UNC5C: variants seen among roughly 807,000 people sequenced by gnomAD.
UNC5C encodes unc-5 netrin receptor C, also known as netrin receptor UNC5C.
UNC5C carries 47 observed loss-of-function variants against 99.8 expected under a neutral mutation model. That is an observed-to-expected ratio of 0.47 (90% confidence interval 0.37 to 0.60). The LOEUF (loss-of-function observed/expected upper bound fraction) is 0.60, where lower values mean the gene tolerates loss of function less well. Ranked by LOEUF, UNC5C falls within the 20% of genes least tolerant of loss-of-function variation. The probability of loss-of-function intolerance (pLI) is 0.00; values close to 1 mark genes in which losing one functional copy is unlikely to be tolerated. For synonymous variants in UNC5C, 487 were observed against 452.2 expected (o/e 1.08, Z -0.98); for missense variants, 1,062 against 1,165.9 (o/e 0.91, Z 1.30).
intron 2 of UNC5C, among the ~76,000 whole-genome samples, chr4:95,322,427 T>A (rs1248255958): frequency 6.6e-6 from 1 of 152,200 alleles, no homozygotes; most frequent in East Asian, 1.9e-4. Context: ...AAACTGTCAT[T>A]GATCATTGCC....
intron 1 of UNC5C, among the ~76,000 whole-genome samples, chr4:95,449,357 C>A (rs1481313646): frequency 1.3e-5 from 2 of 152,116 alleles, no homozygotes; most frequent in Non-Finnish European, 2.9e-5. Flanking sequence ...TAAAAATAAT[C>A]ACGGACACTT....
At chr4:95,462,472 C>A (rs1342947155) in intron 1 of UNC5C, among the ~76,000 whole-genome samples, 2 of 152,110 alleles carry the variant, frequency 1.3e-5, no homozygotes, top group Non-Finnish European at 2.9e-5. Context: ...CACTCTAGTG[C>A]AGAATATAGT....
At chr4:95,421,879 C>T (rs1165864237) in intron 1 of UNC5C, among the ~76,000 whole-genome samples, 4 of 152,056 alleles carry the variant, frequency 2.6e-5, no homozygotes, top group African/African-American at 9.7e-5. Context: ...TCTTTATTAT[C>T]GAAGACTTAG....
intron 3 of UNC5C, among the ~76,000 whole-genome samples, chr4:95,294,098 T>C (rs533349630): frequency 1.7e-4 from 26 of 152,322 alleles, no homozygotes; most frequent in African/African-American, 6.3e-4. Context: ...TTGGTAATAC[T>C]GTTGAAATGA....
At chr4:95,300,499 AAAAT>A (rs1479077068) in intron 3 of UNC5C, among the ~76,000 whole-genome samples, 1 of 152,232 alleles carries the variant, frequency 6.6e-6, no homozygotes, top group Non-Finnish European at 1.5e-5. Context: ...GAATGGTTCC[AAAAT>A]AAATAGAGAA....
intron 14 of UNC5C, among the ~76,000 whole-genome samples, chr4:95,177,895 A>C (rs1473064419): frequency 6.7e-6 from 1 of 148,162 alleles, no homozygotes; most frequent in South Asian, 2.1e-4. Context: ...TTAAGAGATG[A>C]TGGGGTCTCA....
Position 95,525,596 on chromosome 4 carries a change from T to TAAAAAAAAAAAAAAAAA in UNC5C, c.124+23121_124+23137dup, listed in dbSNP as rs574532435. ...ATAGCAGTGTGCAAAGCCTATTTCT[T>TAAAAAAAAAAAAAAAAA]AAAAAAAAAAAAAAAAAAAAAAGAC... On this transcript the variant is annotated intron_variant, in intron 1 of 15. Transcript: ENST00000453304. Among the ~76,000 whole-genome samples the TAAAAAAAAAAAAAAAAA allele has an allele frequency of 8.9e-4, 91 of 102,116 alleles. 2 individuals carry two copies. The highest frequency in any genetic ancestry group is 2.3e-3 in the African/African-American group (57 of 25,270). The allele number at this position is 102,116 out of a possible 152,430, so 67.0% of individuals were successfully genotyped here.
intron 1 of UNC5C, among the ~76,000 whole-genome samples, chr4:95,476,360 T>C (rs1748146553): frequency 6.6e-6 from 1 of 152,084 alleles, no homozygotes; most frequent in Non-Finnish European, 1.5e-5. Context: ...ATCTACCATC[T>C]CCACAGGGTA....
intron 4 of UNC5C, among the ~76,000 whole-genome samples, chr4:95,253,986 G>A (rs1317981546): frequency 6.6e-6 from 1 of 152,112 alleles, no homozygotes; most frequent in African/African-American, 2.4e-5. Context: ...AGGTCTTTCT[G>A]ATGCCATTGT....
intron 12 of UNC5C, among the ~76,000 whole-genome samples, chr4:95,194,496 G>A (rs1579219115): frequency 1.3e-5 from 2 of 152,248 alleles, no homozygotes; most frequent in African/African-American, 4.8e-5. Context: ...CCTCTCCAGA[G>A]CCCCGAGAGG....
chr4:95,387,832 C>T (rs556030961), intron 1 of UNC5C, among the ~76,000 whole-genome samples: 15 of 152,212 alleles, frequency 9.9e-5, no homozygotes, highest in African/African-American at 3.1e-4. Context: ...TTAAGCTGTT[C>T]AGTGGAAACT....
intron 1 of UNC5C, among the ~76,000 whole-genome samples, chr4:95,433,776 T>A (rs1217077757): frequency 6.6e-6 from 1 of 152,074 alleles, no homozygotes; most frequent in East Asian, 1.9e-4. Flanking sequence ...TCAGTTAAAA[T>A]CCAAACCTTC....
chr4:95,421,753 A>G (rs1410555187), intron 1 of UNC5C, among the ~76,000 whole-genome samples: 1 of 151,598 alleles, frequency 6.6e-6, no homozygotes, highest in Non-Finnish European at 1.5e-5. Context: ...TCAAAGTAAC[A>G]CTCTTCTTAC....
chr4:95,398,044 C>CTTTTTTTT lies in UNC5C; in HGVS notation c.125-62421_125-62414dup, dbSNP rs34609153. ...CCCAATGAGAAGTAGCCAAATGTAG[C>CTTTTTTTT]TTTTTTTTTTTTTTTTTTTGCTTAT... On this transcript the variant is annotated intron_variant, in intron 1 of 15. Coordinates refer to ENST00000453304, the MANE Select transcript of UNC5C (RefSeq NM_003728.4). Among the ~76,000 whole-genome samples the CTTTTTTTT allele has an allele frequency of 7.5e-3, 720 of 95,836 alleles. 63 individuals are homozygous for CTTTTTTTT. Among genetic ancestry groups the CTTTTTTTT allele is most frequent in the African/African-American group, 0.031 (626 of 20,398 alleles). 62.9% of individuals were successfully genotyped at this position (95,836 alleles called of 152,430 possible). A position where few individuals can be genotyped will look rare whatever the true frequency, so the allele number is the denominator to read the frequency against.
chr4:95,232,527 C>CA (rs1291265233), intron 7 of UNC5C, among the ~76,000 whole-genome samples: 1 of 152,106 alleles, frequency 6.6e-6, no homozygotes, highest in African/African-American at 2.4e-5. Context: ...CCTGGACCTG[C>CA]ACCCCCGTGA....
At chr4:95,305,057 G>A (rs1169479494) in intron 2 of UNC5C, among the ~76,000 whole-genome samples, 1 of 152,134 alleles carries the variant, frequency 6.6e-6, no homozygotes, top group Non-Finnish European at 1.5e-5. Context: ...TTTGGCTCAG[G>A]CTCCCTGTGG....
At chr4:95,288,275 G>A (rs939587165) in intron 3 of UNC5C, among the ~76,000 whole-genome samples, 1 of 151,888 alleles carries the variant, frequency 6.6e-6, no homozygotes, top group African/African-American at 2.4e-5. Flanking sequence ...AGTAGAGACG[G>A]GGTTTCACCG....
chr4:95,545,401 TAA>T (rs1295419096), intron 1 of UNC5C, among the ~76,000 whole-genome samples: 3 of 152,236 alleles, frequency 2.0e-5, no homozygotes, highest in Non-Finnish European at 4.4e-5. Context: ...TGTGAATTCA[TAA>T]ACTTTCTGTA....
intron 1 of UNC5C, among the ~76,000 whole-genome samples, chr4:95,383,994 T>C (rs1745142810): frequency 6.6e-6 from 1 of 152,210 alleles, no homozygotes; most frequent in South Asian, 2.1e-4. Flanking sequence ...GAATGTTATT[T>C]TACTTCAATA....
Sources: gnomAD v4.1 joint callset for allele counts (sites outside exome capture counted in the v4.1 genomes callset) on GRCh38, gnomAD v4.1.1 for gene constraint, MANE v1.5 for transcripts, NCBI Gene and HGNC (gene_info 2026-07-23, HGNC 2026-07-21) for gene names.